JAM2: variants seen among roughly 807,000 people sequenced by gnomAD.
The protein encoded by JAM2 is junctional adhesion molecule B.
Under a neutral mutation model 42.0 loss-of-function variants are expected in JAM2, and 17 were observed. That is an observed-to-expected ratio of 0.40 (90% CI 0.28 to 0.61). JAM2 has a LOEUF of 0.61. Among genes scored for constraint, JAM2 ranks in the 20% least tolerant of loss-of-function variants. The pLI is 0.37. For synonymous variants in JAM2, 118 were observed against 128.6 expected, an observed-to-expected ratio of 0.92 and a Z score of 0.56; for missense variants, 319 against 358.3, an observed-to-expected ratio of 0.89 and a Z score of 0.89.
chr21:25,664,732 G>A (rs1026862812), intron 1 of JAM2, among the ~76,000 whole-genome samples: 1 of 152,086 alleles, frequency 6.6e-6, no homozygotes, highest in Non-Finnish European at 1.5e-5. Flanking sequence ...TTCTACTCCA[G>A]TGTTTCCTGC....
intron 1 of JAM2, among the ~76,000 whole-genome samples, chr21:25,648,450 T>G (rs200897323): frequency 1.3e-5 from 2 of 148,382 alleles, no homozygotes; most frequent in South Asian, 2.1e-4. Context: ...TGCCGTGTGT[T>G]TGTGTGTGTG....
intron 1 of JAM2, among the ~76,000 whole-genome samples, chr21:25,641,593 G>T (rs557620863): frequency 2.9e-4 from 25 of 87,116 alleles, no homozygotes; most frequent in African/African-American, 7.0e-4. Context: ...TTGTATGTGG[G>T]TGTTTTTTTT....
intron 4 of JAM2, 54 bp downstream of exon 4, chr21:25,693,962 G>C: frequency 6.4e-7 from 1 of 1,568,872 alleles, no homozygotes; most frequent in Admixed American, 1.7e-5. Flanking sequence ...CCACCACCCA[G>C]CCCTGGGGGC....
rs397958040 is a variant in JAM2, at chr21:25,676,286, C to CAAA, written c.68-7582_68-7580dup. Among the ~76,000 whole-genome samples, 21 of 61,214 alleles carry CAAA rather than the reference C, an allele frequency of 3.4e-4. 2 individuals carry two copies. The highest frequency in any genetic ancestry group is 9.8e-4 in the African/African-American group (16 of 16,278). The allele number at this position is 61,214 out of a possible 152,430, so 40.2% of individuals were successfully genotyped here. On this transcript the variant is annotated intron_variant, in intron 1 of 9. Coordinates refer to ENST00000480456, the MANE Select transcript of JAM2 (RefSeq NM_021219.4). Reference sequence around the variant, plus strand: ...CTGGGTGACACAGAGAGACTCGTCTCAAAAAAAAAAAAAAAAAGAAAAAGA... The same window carrying CAAA: ...CTGGGTGACACAGAGAGACTCGTCTCAAAAAAAAAAAAAAAAAAAAGAAAAAGA...
Position 25,714,856 on chromosome 21 carries a change from C to T in JAM2, c.*184C>T, listed in dbSNP as rs2034451416. 6.6e-6 allele frequency: 3 copies of T among 454,552 alleles called. No homozygotes were observed. The highest frequency in any genetic ancestry group is 2.1e-5 in the African/African-American group (1 of 48,572). The allele number at this position is 454,552 out of a possible 1,614,324, so 28.2% of individuals were successfully genotyped here. Reference sequence around the variant, plus strand: ...TATTTTAAACAAATAGTTCTGTCGACACCTAAAATATAATCTGGCTTCTTG... The same window carrying T: ...TATTTTAAACAAATAGTTCTGTCGATACCTAAAATATAATCTGGCTTCTTG... On this transcript the variant is annotated 3_prime_UTR_variant, in exon 10 of 10. Coordinates refer to ENST00000480456, the MANE Select transcript of JAM2 (RefSeq NM_021219.4).
intron 1 of JAM2, among the ~76,000 whole-genome samples, chr21:25,674,705 G>A (rs1411408160): frequency 6.6e-6 from 1 of 151,368 alleles, no homozygotes; most frequent in Non-Finnish European, 1.5e-5. Context: ...TTAAGAGGAA[G>A]GGCCAGATTG....
At chr21:25,683,843 T>C in intron 1 of JAM2, 40 bp from the exon 2 acceptor site, 1 of 1,436,708 alleles carries the variant, frequency 7.0e-7, no homozygotes, top group Non-Finnish European at 9.7e-7. Flanking sequence ...AAATGAACTT[T>C]TGTATAATTT....
At chr21:25,696,407 G>T (rs1432160600) in intron 4 of JAM2, among the ~76,000 whole-genome samples, 1 of 152,114 alleles carries the variant, frequency 6.6e-6, no homozygotes, top group Non-Finnish European at 1.5e-5. Flanking sequence ...GGAGGGAGAG[G>T]GAGGAGGAGG....
intron 5 of JAM2, 33 bp downstream of exon 5, chr21:25,698,912 G>T: frequency 6.4e-7 from 1 of 1,560,188 alleles, no homozygotes; most frequent in Non-Finnish European, 8.8e-7. Context: ...CTTGATAACT[G>T]TCTTGCATTT....
chr21:25,710,838 C>T (rs562324012), intron 8 of JAM2, among the ~76,000 whole-genome samples: 1 of 152,238 alleles, frequency 6.6e-6, no homozygotes, highest in African/African-American at 2.4e-5. Context: ...TTTTTCAAAA[C>T]TCACACTGGC....
chr21:25,647,783 G>C (rs1342031041), intron 1 of JAM2, among the ~76,000 whole-genome samples: 1 of 152,226 alleles, frequency 6.6e-6, no homozygotes, highest in Non-Finnish European at 1.5e-5. Context: ...AAGATTCACA[G>C]ACAAGTGCAA....
At chr21:25,641,351 C>G (rs2032435626) in intron 1 of JAM2, among the ~76,000 whole-genome samples, 3 of 152,088 alleles carry the variant, frequency 2.0e-5, no homozygotes, top group African/African-American at 7.2e-5. Flanking sequence ...TATTGAATCA[C>G]CAACATAGAA....
At chr21:25,649,115 T>C (rs937772352) in intron 1 of JAM2, among the ~76,000 whole-genome samples, 1 of 152,218 alleles carries the variant, frequency 6.6e-6, no homozygotes, top group Non-Finnish European at 1.5e-5. Context: ...TAAAAGCACA[T>C]AAGTTCCTCT....
intron 2 of JAM2, among the ~76,000 whole-genome samples, chr21:25,685,113 G>C (rs1251113839): frequency 6.6e-6 from 1 of 152,158 alleles, no homozygotes; most frequent in South Asian, 2.1e-4. Context: ...AGAAAGATAG[G>C]TTTGAAGGAA....
At chr21:25,641,432 G>T (rs1307060646) in intron 1 of JAM2, among the ~76,000 whole-genome samples, 1 of 152,116 alleles carries the variant, frequency 6.6e-6, no homozygotes, top group Non-Finnish European at 1.5e-5. Flanking sequence ...AAATGAATGG[G>T]GCTGAGTGAC....
chr21:25,714,084 T>A (rs975346248), intron 9 of JAM2: 4 of 966,336 alleles, frequency 4.1e-6, no homozygotes, highest in Non-Finnish European at 5.6e-6. Flanking sequence ...TGCCGGGGCA[T>A]CCTCCTAACA....
In JAM2 at chr21:25,688,487, A is replaced by G. The variant is rs576418249; in HGVS notation, c.134-1379A>G. Among the ~76,000 whole-genome samples the G allele has an allele frequency of 1.8e-4, 28 of 152,328 alleles. 1 individual carries two copies. The East Asian group carries it at 5.4e-3, about 29-fold the overall frequency. ...TCAAGACTCCGGAAGGTCACCACCC[A>G]TTCTCCTTAATCAACAGAAAAGAAC... On this transcript the variant is annotated intron_variant, in intron 2 of 9. Coordinates refer to ENST00000480456, the MANE Select transcript of JAM2 (RefSeq NM_021219.4).
chr21:25,684,752 T>C (rs914967563), intron 2 of JAM2, among the ~76,000 whole-genome samples: 3 of 152,066 alleles, frequency 2.0e-5, no homozygotes, highest in Non-Finnish European at 2.9e-5. Flanking sequence ...CAGGCCACCA[T>C]GTCTGGCTAA....
At chr21:25,649,965 T>C (rs1019384274) in intron 1 of JAM2, among the ~76,000 whole-genome samples, 1 of 152,160 alleles carries the variant, frequency 6.6e-6, no homozygotes, top group African/African-American at 2.4e-5. Flanking sequence ...AAAACACAAG[T>C]GATGGCCTCA....
Sources: allele counts gnomAD v4.1 joint callset (sites outside exome capture counted in the v4.1 genomes callset), GRCh38; gene constraint gnomAD v4.1.1; transcripts MANE v1.5; gene names NCBI Gene and HGNC (gene_info 2026-07-23, HGNC 2026-07-21).